GRID2: variants seen among roughly 807,000 people sequenced by gnomAD.
GRID2 encodes glutamate receptor ionotropic, delta-2.
A neutral mutation model predicts 114.8 loss-of-function variants in GRID2; 33 were observed. The ratio of observed to expected loss-of-function variants is 0.29; its 90% CI spans 0.22 to 0.38. GRID2 has a LOEUF of 0.38. Ranked by LOEUF, GRID2 falls within the 10% of genes least tolerant of loss-of-function variation. GRID2 has a pLI of 1.00. For synonymous variants in GRID2, 505 were observed against 449.9 expected (o/e 1.12, Z -1.55); for missense variants, 1,184 against 1,257.7 (o/e 0.94, Z 0.89).
chr4:92,710,412 A>G (rs111314475), intron 2 of GRID2, among the ~76,000 whole-genome samples: 4,301 of 152,314 alleles, frequency 0.028, 72 homozygotes, highest in Non-Finnish European at 0.042. Flanking sequence ...TAGCAGCTTG[A>G]GTTATAAGCA....
At chr4:92,387,752 C>T (rs1303464433) in intron 1 of GRID2, among the ~76,000 whole-genome samples, 1 of 151,958 alleles carries the variant, frequency 6.6e-6, no homozygotes, top group Non-Finnish European at 1.5e-5. Context: ...AGGACTTTCT[C>T]AATGTAGAAG....
intron 8 of GRID2, among the ~76,000 whole-genome samples, chr4:93,340,370 T>A (rs1355550626): frequency 6.6e-6 from 1 of 151,980 alleles, no homozygotes; most frequent in African/African-American, 2.4e-5. Context: ...ATTACTTTTT[T>A]AAAATTTTGT....
At chr4:93,001,232 A>T (rs560590077) in intron 2 of GRID2, among the ~76,000 whole-genome samples, 131 of 151,844 alleles carry the variant, frequency 8.6e-4, no homozygotes, top group Non-Finnish European at 1.6e-3. Context: ...TATTTAAAAA[A>T]TAAAAATGTT....
At chr4:93,651,624 T>C (rs1173510428) in intron 14 of GRID2, among the ~76,000 whole-genome samples, 2 of 152,096 alleles carry the variant, frequency 1.3e-5, no homozygotes, top group Non-Finnish European at 2.9e-5. Flanking sequence ...AAAATAACTT[T>C]TAAAAGGCAA....
At chr4:92,695,763 A>G (rs1734397820) in intron 2 of GRID2, among the ~76,000 whole-genome samples, 1 of 152,168 alleles carries the variant, frequency 6.6e-6, no homozygotes, top group Non-Finnish European at 1.5e-5. Flanking sequence ...AAAATATTAC[A>G]TTAGGGGAAC....
intron 4 of GRID2, among the ~76,000 whole-genome samples, chr4:93,115,256 A>G (rs989546447): frequency 5.3e-5 from 8 of 152,020 alleles, no homozygotes; most frequent in Non-Finnish European, 1.2e-4. Context: ...TTTAATTTGT[A>G]TTTACTTTTA....
chr4:93,062,779 A>C (rs1022155987), intron 2 of GRID2, among the ~76,000 whole-genome samples: 8 of 151,992 alleles, frequency 5.3e-5, no homozygotes, highest in African/African-American at 1.9e-4. Context: ...TTGACTCTAT[A>C]AAAGTATTTT....
At chr4:93,631,503 A>G (rs1283783495) in intron 14 of GRID2, among the ~76,000 whole-genome samples, 1 of 152,152 alleles carries the variant, frequency 6.6e-6, no homozygotes, top group African/African-American at 2.4e-5. Flanking sequence ...GCTGAGAATG[A>G]TGGTTTCCAC....
chr4:92,428,020 T>G (rs1333225560), intron 1 of GRID2, among the ~76,000 whole-genome samples: 9 of 152,098 alleles, frequency 5.9e-5, no homozygotes, highest in Non-Finnish European at 1.3e-4. Context: ...CCCAGCACTT[T>G]GGGAGGCTGA....
chr4:93,200,648 TTTG>T (rs1167200942), intron 4 of GRID2, among the ~76,000 whole-genome samples: 2 of 152,230 alleles, frequency 1.3e-5, no homozygotes, highest in African/African-American at 4.8e-5. Flanking sequence ...ATCTTTTGTT[TTTG>T]TTTTGTGGAA....
chr4:92,876,649 G>A (rs1745657608), intron 2 of GRID2, among the ~76,000 whole-genome samples: 1 of 152,116 alleles, frequency 6.6e-6, no homozygotes, highest in Non-Finnish European at 1.5e-5. Context: ...AGCTATATCA[G>A]TGCACATCTT....
chr4:93,167,983 C>T (rs1738416160), intron 4 of GRID2, among the ~76,000 whole-genome samples: 1 of 152,010 alleles, frequency 6.6e-6, no homozygotes. Flanking sequence ...CACTTGAGGT[C>T]ATGGATTCAA....
intron 4 of GRID2, among the ~76,000 whole-genome samples, chr4:93,119,124 C>T (rs765961678): frequency 1.3e-5 from 2 of 151,978 alleles, no homozygotes; most frequent in African/African-American, 2.4e-5. Context: ...AAATTTAATA[C>T]ATTAAATGTC....
At chr4:93,183,393 T>C (rs1487735682) in intron 4 of GRID2, among the ~76,000 whole-genome samples, 21 of 152,188 alleles carry the variant, frequency 1.4e-4, no homozygotes, top group Admixed American at 1.4e-3. Flanking sequence ...CCATGTTTTC[T>C]TCAATACTCA....
chr4:93,570,639 A>G (rs1218156826), intron 13 of GRID2, among the ~76,000 whole-genome samples: 1 of 152,192 alleles, frequency 6.6e-6, no homozygotes, highest in African/African-American at 2.4e-5. Context: ...ATTTCAGAAC[A>G]TCACTGCGTA....
At chr4:93,452,958 A>G (rs1284931439) in intron 10 of GRID2, among the ~76,000 whole-genome samples, 1 of 151,154 alleles carries the variant, frequency 6.6e-6, no homozygotes, top group African/African-American at 2.4e-5. Context: ...TTACATATGT[A>G]TACATGTGCC....
intron 8 of GRID2, among the ~76,000 whole-genome samples, chr4:93,253,841 T>A (rs1276231413): frequency 6.6e-6 from 1 of 152,138 alleles, no homozygotes; most frequent in East Asian, 1.9e-4. Flanking sequence ...TACTATCAAT[T>A]ATTATGTTCA....
At chr4:92,777,758 T>G (rs1578178510) in intron 2 of GRID2, among the ~76,000 whole-genome samples, 1 of 147,684 alleles carries the variant, frequency 6.8e-6, no homozygotes, top group Admixed American at 6.8e-5. Context: ...AAAAGCCATG[T>G]GAGGACACAG....
chr4:93,750,896 A>T (rs1732268702), intron 14 of GRID2, among the ~76,000 whole-genome samples: 1 of 152,250 alleles, frequency 6.6e-6, no homozygotes, highest in Non-Finnish European at 1.5e-5. Context: ...ATGAAATATT[A>T]TCTTCTGCTA....
Sources: gnomAD v4.1 joint callset for allele counts (sites outside exome capture counted in the v4.1 genomes callset) on GRCh38, gnomAD v4.1.1 for gene constraint, MANE v1.5 for transcripts, NCBI Gene and HGNC (gene_info 2026-07-23, HGNC 2026-07-21) for gene names.